Variants in ZNF397 observed in about 807,000 individuals in gnomAD.
The protein encoded by ZNF397 is zinc finger protein 397.
ZNF397 carries 38 observed loss-of-function variants against 50.6 expected under a neutral mutation model. The ratio of observed to expected loss-of-function variants is 0.75; its 90% CI spans 0.58 to 0.98. The LOEUF is 0.98. ZNF397 is among the 50% of genes least tolerant of loss of function. The pLI is 0.00. For synonymous variants in ZNF397, 228 were observed against 215.2 expected (o/e 1.06, Z -0.52); for missense variants, 624 against 624.1 (o/e 1.00, Z 0.00).
At chr18:35,254,407 G>T, downstream of ZNF397, 1 of 1,613,830 alleles carries the variant, frequency 6.2e-7, no homozygotes, top group Non-Finnish European at 8.5e-7. Context: ...GAAAGTGTAA[G>T]TATCATTTAC....
rs1309967895 is a variant in ZNF397, at chr18:35,249,755, G to C, written c.*3445G>C. 6.7e-6 allele frequency: 1 copy of C among 150,132 alleles called. No individual in the cohort carries two copies. Among genetic ancestry groups the C allele is most frequent in the Non-Finnish European group, 1.5e-5 (1 of 67,826 alleles). 9.3% of individuals were successfully genotyped at this position (150,132 alleles called of 1,614,324 possible). On this transcript the variant is annotated 3_prime_UTR_variant, in exon 4 of 4. Coordinates refer to ENST00000330501, the MANE Select transcript of ZNF397 (RefSeq NM_001135178.3). ...AAAATATTACAAAACAATATGTACAGTATGATCCTATGTAAAATATATATT... is the reference window on the plus strand; with the variant it reads ...AAAATATTACAAAACAATATGTACACTATGATCCTATGTAAAATATATATT...
chr18:35,250,669 G>T (rs575271305), downstream of ZNF397, among the ~76,000 whole-genome samples: 85 of 152,286 alleles, frequency 5.6e-4, no homozygotes, highest in Middle Eastern at 3.4e-3. Context: ...GAGGGAGGAG[G>T]TGGTCATGGC....
rs2043495545 is a variant in ZNF397, at chr18:35,247,139, T to C, written c.*829T>C. 2.0e-6 allele frequency: 2 copies of C among 985,342 alleles called. No homozygotes were observed. The highest frequency in any genetic ancestry group is 2.4e-6 in the Non-Finnish European group (2 of 830,012). The allele number at this position is 985,342 out of a possible 1,614,324, so 61.0% of individuals were successfully genotyped here. A position where few individuals can be genotyped will look rare whatever the true frequency, so the allele number is the denominator to read the frequency against. On this transcript the variant is annotated 3_prime_UTR_variant, in exon 4 of 4. Coordinates refer to ENST00000330501, the MANE Select transcript of ZNF397 (RefSeq NM_001135178.3). ...GTGTGGAGCATTCCTTGAGTTCCTG[T>C]TGTAGTGAGGTCTTGTCTGTCAGAG...
At chr18:35,253,239 A>G (rs1598598339), downstream of ZNF397, 3 of 446,204 alleles carry the variant, frequency 6.7e-6, no homozygotes, top group African/African-American at 4.0e-5. Flanking sequence ...AATATCTACC[A>G]TTCTTTTTGG....
chr18:35,243,746 G>C (rs756807073), intron 3 of ZNF397: 1 of 249,468 alleles, frequency 4.0e-6, no homozygotes, highest in African/African-American at 2.3e-5. Flanking sequence ...TGAACTATGA[G>C]TAAGAGAAAG....
At chr18:35,254,029 C>T, downstream of ZNF397, 4 of 1,614,194 alleles carry the variant, frequency 2.5e-6, no homozygotes, top group Non-Finnish European at 3.4e-6. Context: ...AGTCAAAGCA[C>T]TCATAGAGCT....
chr18:35,255,459 G>A (rs763405947), intron 5 of ZNF397, among the ~76,000 whole-genome samples: 8 of 151,982 alleles, frequency 5.3e-5, no homozygotes, highest in Non-Finnish European at 1.0e-4. Flanking sequence ...TCTGGCCATA[G>A]AAGTAATAAT....
downstream of ZNF397, among the ~76,000 whole-genome samples, chr18:35,249,995 C>T (rs1045667506): frequency 7.9e-5 from 12 of 152,190 alleles, no homozygotes; most frequent in Non-Finnish European, 1.3e-4. Context: ...CATAGCATCT[C>T]TTGTCTCTTC....
chr18:35,243,369 T>C, intron 3 of ZNF397, 76 bp downstream of exon 3: 1 of 1,605,800 alleles, frequency 6.2e-7, no homozygotes, highest in Non-Finnish European at 8.5e-7. Context: ...TAATTGCACT[T>C]GACAAACTTG....
At position 35,242,403 on chromosome 18, in the gene ZNF397, T is replaced by C. The variant is rs1000247201; in HGVS notation, c.-68T>C. Reference sequence around the variant, plus strand: ...TTATATCCTTCAGGAAAGAAGAGATTACTCACACTCCTTCGCAAGCACAGA... The same window carrying C: ...TTATATCCTTCAGGAAAGAAGAGATCACTCACACTCCTTCGCAAGCACAGA... On this transcript the variant is annotated 5_prime_UTR_variant, in exon 2 of 4. Transcript: ENST00000330501. 6.2e-6 allele frequency: 9 copies of C among 1,460,516 alleles called. No homozygotes were observed. Among genetic ancestry groups the C allele is most frequent in the Non-Finnish European group, 8.3e-6 (9 of 1,078,830 alleles). 90.5% of individuals were successfully genotyped at this position (1,460,516 alleles called of 1,614,324 possible).
Position 35,245,558 on chromosome 18 carries a change from T to C in ZNF397, c.853T>C (p.Tyr285His). The C allele has an allele frequency of 1.3e-6, 2 of 1,552,520 alleles. No homozygotes were observed. The highest frequency in any genetic ancestry group is 1.7e-6 in the Non-Finnish European group (2 of 1,147,252). Residue 285 changes from tyrosine (Y) to histidine (H), a missense_variant, in exon 4 of 4, where the codon TAT becomes CAT. Physicochemically the swap from Tyr to His is moderately conservative, Grantham distance 83 (BLOSUM62 2). Coordinates refer to ENST00000330501, the MANE Select transcript of ZNF397 (RefSeq NM_001135178.3). ...CQKVPPEERP[Y>H]RCDVCGHSFK... ...GAAAGTTCCTCCAGAAGAGAGACCT[T>C]ATAGATGTGATGTATGTGGGCACAG...
rs1468178798 is a variant in ZNF397 at position 35,247,044 on chromosome 18, A to T, written c.*734A>T. The T allele has an allele frequency of 1.0e-6, 1 of 961,154 alleles. No homozygotes were observed. Among genetic ancestry groups the T allele is most frequent in the African/African-American group, 1.8e-5 (1 of 56,716 alleles). The allele number at this position is 961,154 out of a possible 1,614,324, so 59.5% of individuals were successfully genotyped here. ...GGAAATGGCCTGAAGGATGAGGAGG[A>T]GTTAGCCAAGGTGGTACTCTAGGGA... On this transcript the variant is annotated 3_prime_UTR_variant, in exon 4 of 4. Transcript: ENST00000330501.
chr18:35,244,218 AGT>A (rs1210344473), intron 3 of ZNF397: 2 of 154,322 alleles, frequency 1.3e-5, no homozygotes, highest in Non-Finnish European at 2.9e-5. Flanking sequence ...TTAAAACTAG[AGT>A]GTGAGGGAGA....
intron 1 of ZNF397, 26 bp downstream of exon 1, chr18:35,241,135 A>T (rs1282520944): frequency 1.3e-5 from 2 of 152,076 alleles, no homozygotes; most frequent in Non-Finnish European, 2.9e-5. Context: ...CCCTAGGAAG[A>T]GGGAGGTGGG....
In ZNF397 at chr18:35,243,334, G is replaced by C. The variant is rs1166631796; in HGVS notation, c.556+41G>C. The C allele has an allele frequency of 2.5e-6, 4 of 1,613,916 alleles. No individual in the cohort carries two copies. The African/African-American group carries it at 5.3e-5, about 22-fold the overall frequency. On this transcript the variant is annotated intron_variant, in intron 3 of 3. Coordinates refer to ENST00000330501, the MANE Select transcript of ZNF397 (RefSeq NM_001135178.3). Reference sequence around the variant, plus strand: ...TCATCTGGAAACTCTTGACACTTAGGCCTCTGTTTTTGAGAATGCAGAATT... The same window carrying C: ...TCATCTGGAAACTCTTGACACTTAGCCCTCTGTTTTTGAGAATGCAGAATT...
intron 1 of ZNF397, 108 bp from the exon 2 acceptor site, chr18:35,242,283 C>T: frequency 1.9e-6 from 1 of 517,132 alleles, no homozygotes; most frequent in Non-Finnish European, 3.3e-6. Flanking sequence ...AGTGATAGCC[C>T]CAAATCTACT....
In ZNF397 at chr18:35,245,770, C is replaced by G; in HGVS notation, c.1065C>G (p.Ala355=). 1 of 1,551,938 alleles carries G rather than the reference C, an allele frequency of 6.4e-7. No individual in the cohort carries two copies. ...ECGKAFNQSS[A]LIRHRKIHTG... ...GGAAAGCTTTCAATCAGAGCTCAGCCCTCATTAGACATCGGAAAATCCATA... is the reference window on the plus strand; with the variant it reads ...GGAAAGCTTTCAATCAGAGCTCAGCGCTCATTAGACATCGGAAAATCCATA... Residue 355 remains alanine, a synonymous_variant, in exon 4 of 4, where the codon GCC becomes GCG. Coordinates refer to ENST00000330501, the MANE Select transcript of ZNF397 (RefSeq NM_001135178.3).
exon 6 of ZNF397, chr18:35,258,289 A>C (rs1230533399): frequency 2.8e-6 from 1 of 352,116 alleles, no homozygotes; most frequent in Non-Finnish European, 5.3e-6. Flanking sequence ...TGCTAAGTCC[A>C]AGGACATTGG....
chr18:35,243,255 A>G lies in ZNF397; in HGVS notation c.518A>G (p.Gln173Arg), dbSNP rs1476438986. Residue 173 changes from glutamine (Q) to arginine (R), a missense_variant, in exon 3 of 4, where the codon CAG becomes CGG. Physicochemically the swap from Gln to Arg is conservative, Grantham distance 43. Transcript: ENST00000330501. The stretch of plus-strand genomic sequence containing the variant: ...ATCCACCTCCAGCCCTTAAAGACAC[A>G]GCTGAAATCCTGGAAACCATGCCTT... ...TDIHLQPLKT[Q>R]LKSWKPCLSP... is the part of the protein sequence containing the mutation. 2 of 1,614,244 alleles carry G rather than the reference A, an allele frequency of 1.2e-6. No individual in the cohort carries two copies. Among genetic ancestry groups the G allele is most frequent in the Non-Finnish European group, 1.7e-6 (2 of 1,180,044 alleles).
Sources: gnomAD v4.1 joint callset for allele counts (sites outside exome capture counted in the v4.1 genomes callset) on GRCh38, gnomAD v4.1.1 for gene constraint, MANE v1.5 for transcripts, NCBI Gene and HGNC (gene_info 2026-07-23, HGNC 2026-07-21) for gene names.